TYW3: variants seen among roughly 807,000 people sequenced by gnomAD.
TYW3 encodes tRNA-yW synthesizing protein 3 homolog.
TYW3 carries 26 observed loss-of-function variants against 23.1 expected under a neutral mutation model. That is an observed-to-expected ratio of 1.13 (90% CI 0.83 to 1.56). The LOEUF is 1.56. Among genes scored for constraint, TYW3 ranks in the 40% most tolerant of loss-of-function variants. The pLI, the probability that TYW3 is intolerant of heterozygous loss-of-function variation, is 0.00. For missense variants in TYW3, 316 were observed against 311.9 expected (o/e 1.01, Z -0.10); for synonymous variants, 102 against 105.7 (o/e 0.97, Z 0.21).
At chr1:74,754,528 G>T (rs190303444) in intron 5 of TYW3, among the ~76,000 whole-genome samples, 2 of 151,998 alleles carry the variant, frequency 1.3e-5, no homozygotes, top group Non-Finnish European at 2.9e-5. Context: ...GTTGAAAAGA[G>T]AAAAAAATCC....
Position 74,738,782 on chromosome 1 carries a change from G to T in TYW3, c.348G>T (p.Gln116His), listed in dbSNP as rs1648246815. The T allele has an allele frequency of 1.2e-6, 2 of 1,607,606 alleles. No individual in the cohort carries two copies. Among genetic ancestry groups the T allele is most frequent in the Admixed American group, 1.7e-5 (1 of 59,690 alleles). Residue 116 changes from glutamine to histidine, a missense_variant, in exon 3 of 6, where the codon CAG becomes CAT. By Grantham distance (24) the Gln-to-His change is conservative. Coordinates refer to ENST00000370867, the MANE Select transcript of TYW3 (RefSeq NM_138467.3). The stretch of plus-strand genomic sequence containing the variant: ...AGTGTCGACAATTGCAGGATGCACA[G>T]ATTCTGGTAAAATTTTGTTGTAATT... ...HVQCRQLQDA[Q>H]ILHSMAIDSG... is the part of the protein sequence containing the mutation.
At chr1:74,744,809 C>A (rs1298244237) in intron 3 of TYW3, among the ~76,000 whole-genome samples, 1 of 152,184 alleles carries the variant, frequency 6.6e-6, no homozygotes, top group Non-Finnish European at 1.5e-5. Flanking sequence ...TCTGGAGTTT[C>A]TTCCTTCTTG....
chr1:74,753,011 A>G (rs1189731576), intron 5 of TYW3, among the ~76,000 whole-genome samples: 1 of 152,192 alleles, frequency 6.6e-6, no homozygotes, highest in East Asian at 1.9e-4. Flanking sequence ...CTCCTGGCAA[A>G]GGAAACTTCT....
chr1:74,759,576 T>C (rs1213554766), intron 5 of TYW3, among the ~76,000 whole-genome samples: 1 of 152,122 alleles, frequency 6.6e-6, no homozygotes, highest in Non-Finnish European at 1.5e-5. Flanking sequence ...CATTTCCCTG[T>C]ATAGTTGACC....
chr1:74,760,762 A>C (rs1239758029), intron 5 of TYW3, among the ~76,000 whole-genome samples: 1 of 152,246 alleles, frequency 6.6e-6, no homozygotes, highest in Non-Finnish European at 1.5e-5. Context: ...TACATATTAG[A>C]ATAGCCTTCT....
chr1:74,752,548 A>AC, intron 5 of TYW3, 123 bp downstream of exon 5: 1 of 844,298 alleles, frequency 1.2e-6, no homozygotes, highest in African/African-American at 1.7e-5. Context: ...ATTTAAAAAT[A>AC]CTTTTATTAT....
intron 5 of TYW3, among the ~76,000 whole-genome samples, chr1:74,754,629 A>G (rs1035518860): frequency 3.9e-5 from 6 of 152,202 alleles, no homozygotes; most frequent in Non-Finnish European, 5.9e-5. Flanking sequence ...AGAATTTCAA[A>G]AACAAAAAAT....
chr1:74,738,400 G>T lies in TYW3; in HGVS notation c.256-290G>T, dbSNP rs369499677. On this transcript the variant is annotated intron_variant, in intron 2 of 5. Transcript: ENST00000370867. ...GTTTTTGTATACTACATTTCCTAAT[G>T]AAAAATCCGTTATGGAATTAAATAA... Among the ~76,000 whole-genome samples, 31 of 152,248 alleles carry T rather than the reference G, an allele frequency of 2.0e-4. No individual in the cohort carries two copies. In the East Asian group the frequency reaches 2.7e-3, roughly 13 times the overall value.
chr1:74,745,522 A>G (rs1033765480), intron 3 of TYW3, among the ~76,000 whole-genome samples: 1 of 152,136 alleles, frequency 6.6e-6, no homozygotes, highest in African/African-American at 2.4e-5. Context: ...TTAGCTAGAC[A>G]CAGAGCGCTG....
In TYW3 at chr1:74,763,904, T is replaced by C. The variant is rs199716605; in HGVS notation, c.571T>C (p.Cys191Arg). 3.0e-4 allele frequency: 478 copies of C among 1,593,322 alleles called. 2 individuals carry two copies. The East Asian group carries it at 9.9e-3, about 33-fold the overall frequency. ...NKKRIERFYN[C>R]LQHALERETM... ...CTTATTTCTTCACAGGTTTTACAAC[T>C]GCCTACAGCATGCTTTGGAAAGGGA... The change falls in exon 6 of 6, where the codon TGC becomes CGC. Residue 191 changes from cysteine to arginine, a missense_variant. Physicochemically the swap from Cys to Arg is radical, Grantham distance 180. Transcript: ENST00000370867.
intron 5 of TYW3, among the ~76,000 whole-genome samples, chr1:74,762,253 G>T (rs494565): frequency 1 from 151,666 of 152,220 alleles, 75,560 homozygotes; most frequent in East Asian, 1. Context: ...TTGGAGTTTT[G>T]GAGTTTTATA....
intron 1 of TYW3, among the ~76,000 whole-genome samples, chr1:74,734,816 G>T (rs904339641): frequency 4.6e-5 from 7 of 152,166 alleles, no homozygotes; most frequent in African/African-American, 7.2e-5. Flanking sequence ...AATTTTTTTT[G>T]AAATATTTGG....
At chr1:74,736,382 G>T (rs1169283703) in intron 1 of TYW3, 160 bp from the exon 2 acceptor site, 2 of 460,910 alleles carry the variant, frequency 4.3e-6, no homozygotes, top group African/African-American at 2.0e-5. Context: ...TCTTATTCTG[G>T]GTTAACATTA....
intron 3 of TYW3, 59 bp downstream of exon 3, chr1:74,738,847 A>ACCT: frequency 7.5e-7 from 1 of 1,337,510 alleles, no homozygotes; most frequent in East Asian, 2.4e-5. Flanking sequence ...TGTAATTTTA[A>ACCT]GCTTTTAACC....
chr1:74,764,161 T>C lies in TYW3; in HGVS notation c.*48T>C. 6.6e-7 allele frequency: 1 copy of C among 1,504,316 alleles called. No individual in the cohort carries two copies. Among genetic ancestry groups the C allele is most frequent in the Non-Finnish European group, 9.1e-7 (1 of 1,102,688 alleles). 93.2% of individuals were successfully genotyped at this position (1,504,316 alleles called of 1,614,324 possible). A position where few individuals can be genotyped will look rare whatever the true frequency, so the allele number is the denominator to read the frequency against. On this transcript the variant is annotated 3_prime_UTR_variant, in exon 6 of 6. Transcript: ENST00000370867. Reference sequence around the variant, plus strand: ...GCCGTAATGTTTCTAGTAGGTTTTATAAAGCTGCTCTTCATAAGAGTATTT... The same window carrying C: ...GCCGTAATGTTTCTAGTAGGTTTTACAAAGCTGCTCTTCATAAGAGTATTT...
intron 1 of TYW3, among the ~76,000 whole-genome samples, chr1:74,734,543 C>G (rs941735051): frequency 6.6e-6 from 1 of 152,148 alleles, no homozygotes; most frequent in Non-Finnish European, 1.5e-5. Flanking sequence ...TTGCTAAGAT[C>G]TACGGAAAGA....
chr1:74,736,540 A>G lies in TYW3; in HGVS notation c.175-2A>G. ...CTTAAATTATGTTATTTTTTATTTTAGGGTATAAATGGTTTTGAGGTTCAG... is the reference window on the plus strand; with the variant it reads ...CTTAAATTATGTTATTTTTTATTTTGGGGTATAAATGGTTTTGAGGTTCAG... On this transcript the variant is annotated splice_acceptor_variant, in intron 1 of 5. Transcript: ENST00000370867. LOFTEE classifies it high-confidence loss of function. The G allele has an allele frequency of 6.3e-7, 1 of 1,579,416 alleles. No individual in the cohort carries two copies. Among genetic ancestry groups the G allele is most frequent in the Non-Finnish European group, 8.6e-7 (1 of 1,163,252 alleles).
Position 74,766,534 on chromosome 1 carries a change from AAAG to A in TYW3, c.*2424_*2426del, listed in dbSNP as rs1235357391. The A allele has an allele frequency of 6.6e-6, 1 of 152,210 alleles. No homozygotes were observed. The highest frequency in any genetic ancestry group is 1.5e-5 in the Non-Finnish European group (1 of 68,036). The allele number at this position is 152,210 out of a possible 1,614,324, so 9.4% of individuals were successfully genotyped here. ...AAAAAAGCTTATAGAATAAGGATAT[AAAG>A]AAATATTTTGTACAGCTGTACAATA... is the stretch of plus-strand genomic sequence containing the variant. On this transcript the variant is annotated 3_prime_UTR_variant, in exon 6 of 6. Coordinates refer to ENST00000370867, the MANE Select transcript of TYW3 (RefSeq NM_138467.3).
chr1:74,748,529 C>T (rs893397668), intron 3 of TYW3: 2 of 468,138 alleles, frequency 4.3e-6, no homozygotes, highest in African/African-American at 2.0e-5. Context: ...TACTTTTACT[C>T]TTTCTCAATG....
Sources: allele counts gnomAD v4.1 joint callset (sites outside exome capture counted in the v4.1 genomes callset), GRCh38; gene constraint gnomAD v4.1.1; transcripts MANE v1.5; gene names NCBI Gene and HGNC (gene_info 2026-07-23, HGNC 2026-07-21).